TAFA1: variants seen among roughly 807,000 people sequenced by gnomAD.
TAFA1 encodes chemokine-like protein TAFA-1.
Under a neutral mutation model 18.5 loss-of-function variants are expected in TAFA1, and 4 were observed. The ratio of observed to expected loss-of-function variants is 0.22; its 90% CI spans 0.11 to 0.49. TAFA1 has a LOEUF of 0.49. TAFA1 is among the 20% of genes least tolerant of loss of function. TAFA1 has a pLI of 0.98. For synonymous variants in TAFA1, 56 were observed against 55.2 expected, an observed-to-expected ratio of 1.01 and a Z score of -0.06; for missense variants, 147 against 169.0, an observed-to-expected ratio of 0.87 and a Z score of 0.72.
At chr3:68,037,714 G>C (rs568099459) in intron 2 of TAFA1, among the ~76,000 whole-genome samples, 2 of 152,270 alleles carry the variant, frequency 1.3e-5, no homozygotes, top group East Asian at 3.9e-4. Context: ...GAAACAGTAA[G>C]ATTTGCATTT....
chr3:68,350,343 C>G (rs1321427458), intron 2 of TAFA1, among the ~76,000 whole-genome samples: 3 of 152,104 alleles, frequency 2.0e-5, no homozygotes, highest in South Asian at 4.1e-4. Flanking sequence ...TTATGTTATG[C>G]CAGTATCTTA....
chr3:68,029,228 T>C (rs754441622), intron 2 of TAFA1, among the ~76,000 whole-genome samples: 1 of 152,196 alleles, frequency 6.6e-6, no homozygotes, highest in African/African-American at 2.4e-5. Flanking sequence ...CATGGACACA[T>C]CTTTCTGGAG....
chr3:68,403,270 A>G (rs1040119578), intron 2 of TAFA1, among the ~76,000 whole-genome samples: 1 of 152,230 alleles, frequency 6.6e-6, no homozygotes, highest in African/African-American at 2.4e-5. Context: ...CTTGTCATTA[A>G]GTGAGGCATG....
At chr3:68,263,206 C>A (rs985292780) in intron 2 of TAFA1, among the ~76,000 whole-genome samples, 9 of 151,886 alleles carry the variant, frequency 5.9e-5, no homozygotes, top group African/African-American at 2.2e-4. Flanking sequence ...GGTTTTGAAC[C>A]CTGAAAATTG....
chr3:68,202,878 C>A (rs2066484226), intron 2 of TAFA1, among the ~76,000 whole-genome samples: 1 of 151,278 alleles, frequency 6.6e-6, no homozygotes, highest in Non-Finnish European at 1.5e-5. Context: ...TTTTATTTTA[C>A]CCTCACTTAG....
chr3:68,257,921 C>T (rs903238911), intron 2 of TAFA1, among the ~76,000 whole-genome samples: 1 of 152,076 alleles, frequency 6.6e-6, no homozygotes, highest in Non-Finnish European at 1.5e-5. Context: ...TAACCCCAGC[C>T]TAACTATAAG....
chr3:68,362,999 T>TTTTTA (rs61358791), intron 2 of TAFA1, among the ~76,000 whole-genome samples: 11 of 149,476 alleles, frequency 7.4e-5, no homozygotes, highest in African/African-American at 1.7e-4. Context: ...TTTTTTTTTT[T>TTTTTA]AAATACAGTT....
intron 2 of TAFA1, among the ~76,000 whole-genome samples, chr3:68,359,110 T>C (rs565627096): frequency 2.0e-5 from 3 of 152,170 alleles, no homozygotes; most frequent in Admixed American, 6.6e-5. Context: ...TATCATATTA[T>C]TTATGCTACC....
chr3:68,022,830 A>T (rs919973990), intron 2 of TAFA1, among the ~76,000 whole-genome samples: 75 of 54,820 alleles, frequency 1.4e-3, no homozygotes, highest in Non-Finnish European at 2.2e-3. Flanking sequence ...TATTATATAT[A>T]ATATATATAT....
At chr3:68,208,365 C>A (rs2066552408) in intron 2 of TAFA1, among the ~76,000 whole-genome samples, 1 of 151,974 alleles carries the variant, frequency 6.6e-6, no homozygotes, top group Non-Finnish European at 1.5e-5. Context: ...CTTCATGCGA[C>A]AAGCCTGGAC....
chr3:68,081,254 T>G (rs1294312268), intron 2 of TAFA1, among the ~76,000 whole-genome samples: 1 of 152,158 alleles, frequency 6.6e-6, no homozygotes, highest in African/African-American at 2.4e-5. Context: ...TGCCTTTGGT[T>G]TGAATGTCCT....
At chr3:68,409,208 C>T (rs2070667485) in intron 2 of TAFA1, among the ~76,000 whole-genome samples, 1 of 152,106 alleles carries the variant, frequency 6.6e-6, no homozygotes, top group African/African-American at 2.4e-5. Flanking sequence ...TTTACACTCC[C>T]CCCTTAGCAT....
intron 2 of TAFA1, among the ~76,000 whole-genome samples, chr3:68,027,274 T>G (rs1270293115): frequency 1.3e-5 from 2 of 152,140 alleles, no homozygotes; most frequent in African/African-American, 4.8e-5. Flanking sequence ...ACTGGAGAGT[T>G]GAAATTAGAC....
At chr3:68,096,002 A>G (rs999568399) in intron 2 of TAFA1, among the ~76,000 whole-genome samples, 8 of 152,056 alleles carry the variant, frequency 5.3e-5, no homozygotes, top group Non-Finnish European at 1.2e-4. Context: ...TATGCAATAC[A>G]TTGTTTTTAA....
chr3:68,448,347 C>G (rs992593328), intron 3 of TAFA1, among the ~76,000 whole-genome samples: 1 of 152,106 alleles, frequency 6.6e-6, no homozygotes, highest in African/African-American at 2.4e-5. Flanking sequence ...CAGTAATATG[C>G]ATACTTCTTT....
Position 68,219,229 on chromosome 3 carries a change from C to T in TAFA1, c.119-198051C>T, listed in dbSNP as rs541915101. Among the ~76,000 whole-genome samples the T allele has an allele frequency of 3.3e-5, 5 of 152,162 alleles. No homozygotes were observed. The South Asian group carries it at 1.0e-3, about 32-fold the overall frequency. On this transcript the variant is annotated intron_variant, in intron 2 of 4. Coordinates refer to ENST00000478136, the MANE Select transcript of TAFA1 (RefSeq NM_213609.4). ...TGAGAAATGCATTTATATTCCCCTC[C>T]AGAACAGTTTCCTTATAACCCAAAG... is the stretch of plus-strand genomic sequence containing the variant.
chr3:68,009,492 A>T (rs1431021054), intron 2 of TAFA1, among the ~76,000 whole-genome samples: 1 of 152,200 alleles, frequency 6.6e-6, no homozygotes, highest in Non-Finnish European at 1.5e-5. Context: ...ACCCCAAGAA[A>T]CTGCAGCACT....
Position 68,236,356 on chromosome 3 carries a change from G to T in TAFA1, c.119-180924G>T, listed in dbSNP as rs146121127. ...TACTTTAAAAAATATATTTCCACAA[G>T]CCAGTGCATTCAAAATGAACTTATG... is the stretch of plus-strand genomic sequence containing the variant. On this transcript the variant is annotated intron_variant, in intron 2 of 4. Coordinates refer to ENST00000478136, the MANE Select transcript of TAFA1 (RefSeq NM_213609.4). Among the ~76,000 whole-genome samples, 351 of 152,288 alleles carry T rather than the reference G, an allele frequency of 2.3e-3. 2 individuals are homozygous for T. Among genetic ancestry groups the T allele is most frequent in the African/African-American group, 8.1e-3 (338 of 41,566 alleles).
At chr3:68,528,878 G>T (rs1414608934) in intron 3 of TAFA1, among the ~76,000 whole-genome samples, 1 of 152,058 alleles carries the variant, frequency 6.6e-6, no homozygotes, top group African/African-American at 2.4e-5. Flanking sequence ...ATTCTTTAGA[G>T]TAATAAAATT....
Sources: allele counts gnomAD v4.1 joint callset (sites outside exome capture counted in the v4.1 genomes callset), GRCh38; gene constraint gnomAD v4.1.1; transcripts MANE v1.5; gene names NCBI Gene and HGNC (gene_info 2026-07-23, HGNC 2026-07-21).